The following NRXN1 variants were observed in gnomAD, a reference collection of about 807,000 sequenced individuals.
The protein encoded by NRXN1 is neurexin-1.
NRXN1 carries 39 observed loss-of-function variants against 150.9 expected under a neutral mutation model. The observed-to-expected ratio is 0.26, with a 90% CI of 0.20 to 0.34. NRXN1 has a LOEUF of 0.34. Among genes scored for constraint, NRXN1 ranks in the 10% least tolerant of loss-of-function variants. The probability of loss-of-function intolerance (pLI) is 1.00; values close to 1 mark genes in which losing one functional copy is unlikely to be tolerated. For synonymous variants in NRXN1, 924 were observed against 757.0 expected (o/e 1.22, Z -3.62); for missense variants, 1,815 against 1,949.9 (o/e 0.93, Z 1.30).
At chr2:50,292,483 T>C (rs532753475) in intron 17 of NRXN1, among the ~76,000 whole-genome samples, 1 of 152,298 alleles carries the variant, frequency 6.6e-6, no homozygotes, top group East Asian at 1.9e-4. Flanking sequence ...GAAGACTCCA[T>C]GTCAGCCTCT....
intron 5 of NRXN1, among the ~76,000 whole-genome samples, chr2:50,777,578 G>A (rs982474025): frequency 7.2e-5 from 11 of 152,120 alleles, no homozygotes; most frequent in African/African-American, 2.7e-4. Context: ...ATAAAACCAA[G>A]CATTCCATTT....
At chr2:50,771,904 C>T (rs140244821) in intron 5 of NRXN1, among the ~76,000 whole-genome samples, 1 of 152,094 alleles carries the variant, frequency 6.6e-6, no homozygotes, top group Non-Finnish European at 1.5e-5. Context: ...GGTGAGAGTA[C>T]ACAAATGATA....
intron 17 of NRXN1, among the ~76,000 whole-genome samples, chr2:50,351,524 T>G (rs780230713): frequency 2.0e-5 from 3 of 152,156 alleles, no homozygotes; most frequent in Non-Finnish European, 4.4e-5. Flanking sequence ...GTGAAATTAT[T>G]AATAGGCAAG....
chr2:49,945,508 G>C lies in NRXN1; in HGVS notation c.4129-1717C>G, dbSNP rs1672735161. Among the ~76,000 whole-genome samples, 5 of 151,662 alleles carry C rather than the reference G, an allele frequency of 3.3e-5. No individual in the cohort carries two copies. In the South Asian group the frequency reaches 8.3e-4, roughly 25 times the overall value. On this transcript the variant is annotated intron_variant, in intron 21 of 22. Transcript: ENST00000401669. ...ACCCATCAACCTGTCATCTACATTA[G>C]GTATTTCTCCTAATGCTATACCTCC... is the stretch of plus-strand genomic sequence containing the variant.
At chr2:50,896,805 C>T (rs146036078) in intron 5 of NRXN1, among the ~76,000 whole-genome samples, 10,604 of 151,830 alleles carry the variant, frequency 0.07, 455 homozygotes, top group Middle Eastern at 0.13. Context: ...CAGGATTGTG[C>T]CACTGCACCC....
intron 5 of NRXN1, among the ~76,000 whole-genome samples, chr2:50,791,763 T>C (rs2105607908): frequency 6.6e-6 from 1 of 152,298 alleles, no homozygotes; most frequent in East Asian, 1.9e-4. Context: ...TAATAAATAC[T>C]GTTTGCTTAA....
At chr2:50,658,886 T>C (rs146832815) in intron 5 of NRXN1, among the ~76,000 whole-genome samples, 1 of 151,996 alleles carries the variant, frequency 6.6e-6, no homozygotes, top group Non-Finnish European at 1.5e-5. Context: ...ATCTCCATAC[T>C]CTCCAGCCCA....
chr2:50,075,722 A>T (rs1168458600), intron 19 of NRXN1, among the ~76,000 whole-genome samples: 1 of 152,214 alleles, frequency 6.6e-6, no homozygotes, highest in Non-Finnish European at 1.5e-5. Context: ...GTGGAAATTT[A>T]AAAAAGAAAA....
At chr2:50,780,903 C>T (rs1170550316) in intron 5 of NRXN1, among the ~76,000 whole-genome samples, 1 of 152,180 alleles carries the variant, frequency 6.6e-6, no homozygotes, top group Non-Finnish European at 1.5e-5. Flanking sequence ...ATGCATACTA[C>T]ACTAGGACAC....
intron 17 of NRXN1, among the ~76,000 whole-genome samples, chr2:50,416,110 C>CT (rs1177920822): frequency 6.6e-6 from 1 of 152,026 alleles, no homozygotes; most frequent in Non-Finnish European, 1.5e-5. Flanking sequence ...AGAGCTTATA[C>CT]TTCAGTGGAG....
At chr2:50,749,397 G>A (rs1341736492) in intron 5 of NRXN1, among the ~76,000 whole-genome samples, 1 of 151,980 alleles carries the variant, frequency 6.6e-6, no homozygotes, top group East Asian at 1.9e-4. Flanking sequence ...AGAGAAAAGG[G>A]ATTAGAACTT....
intron 17 of NRXN1, among the ~76,000 whole-genome samples, chr2:50,421,584 C>T (rs572353197): frequency 6.6e-6 from 1 of 152,186 alleles, no homozygotes; most frequent in South Asian, 2.1e-4. Flanking sequence ...TCTTTTTAAT[C>T]TGTGTTTTCA....
intron 15 of NRXN1, among the ~76,000 whole-genome samples, chr2:50,490,578 G>A (rs965826999): frequency 1.3e-5 from 2 of 152,212 alleles, no homozygotes; most frequent in African/African-American, 4.8e-5. Flanking sequence ...ATGGACAGAA[G>A]TGGAAACATA....
intron 8 of NRXN1, among the ~76,000 whole-genome samples, chr2:50,584,490 T>C (rs925506690): frequency 6.6e-6 from 1 of 152,216 alleles, no homozygotes; most frequent in Non-Finnish European, 1.5e-5. Context: ...TCTATCTTTT[T>C]TTATGTTTAA....
intron 5 of NRXN1, among the ~76,000 whole-genome samples, chr2:50,886,187 C>T (rs1471050173): frequency 2.0e-5 from 3 of 151,166 alleles, no homozygotes; most frequent in African/African-American, 7.3e-5. Context: ...TACCCAAACA[C>T]TTTTCTAACT....
intron 8 of NRXN1, among the ~76,000 whole-genome samples, chr2:50,582,216 A>G (rs1030661855): frequency 3.9e-5 from 6 of 152,116 alleles, no homozygotes; most frequent in Non-Finnish European, 7.4e-5. Context: ...AACATCTTTC[A>G]GATCCTAAAA....
chr2:50,649,847 T>A (rs529853994), intron 5 of NRXN1, among the ~76,000 whole-genome samples: 2 of 152,108 alleles, frequency 1.3e-5, no homozygotes, highest in East Asian at 3.9e-4. Context: ...GCTTGAGGAA[T>A]GTGAATGAAT....
rs528511575 is a variant in NRXN1, at chr2:50,893,750, T to A, written c.832+28119A>T. On this transcript the variant is annotated intron_variant, in intron 5 of 22. Coordinates refer to ENST00000401669, the MANE Select transcript of NRXN1 (RefSeq NM_001330078.2). ...AAGTATTTTCGTTTATTAGTAAGAC[T>A]TTCTATTTCTGGTACTATAGTTATC... Among the ~76,000 whole-genome samples, 3 of 152,276 alleles carry A rather than the reference T, an allele frequency of 2.0e-5. No homozygotes were observed. The East Asian group carries it at 5.8e-4, about 29-fold the overall frequency.
At chr2:50,789,841 G>C (rs1465331227) in intron 5 of NRXN1, among the ~76,000 whole-genome samples, 1 of 152,152 alleles carries the variant, frequency 6.6e-6, no homozygotes, top group African/African-American at 2.4e-5. Flanking sequence ...CACAGAGTGA[G>C]ATGAAGAAGG....
Sources: allele counts gnomAD v4.1 joint callset (sites outside exome capture counted in the v4.1 genomes callset), GRCh38; gene constraint gnomAD v4.1.1; transcripts MANE v1.5; gene names NCBI Gene and HGNC (gene_info 2026-07-23, HGNC 2026-07-21).